EFHC2: variants seen among roughly 807,000 people sequenced by gnomAD.
EFHC2 encodes the protein EF-hand domain containing 2, also known as EF-hand domain-containing family member C2.
Under a neutral mutation model 52.7 loss-of-function variants are expected in EFHC2, and 18 were observed. That is an observed-to-expected ratio of 0.34 (90% confidence interval 0.24 to 0.51). The LOEUF (loss-of-function observed/expected upper bound fraction) is 0.51. Ranked by LOEUF, EFHC2 falls within the 20% of genes least tolerant of loss-of-function variation. EFHC2 has a pLI of 0.97. For missense variants in EFHC2, 513 were observed against 562.5 expected, an observed-to-expected ratio of 0.91 and a Z score of 0.89; for synonymous variants, 203 against 204.1, an observed-to-expected ratio of 0.99 and a Z score of 0.04.
chrX:44,265,955 C>G (rs1408891110), intron 3 of EFHC2, among the ~76,000 whole-genome samples: 1 of 111,851 alleles, frequency 8.9e-6, no homozygotes, highest in African/African-American at 3.3e-5. Flanking sequence ...CAATAAGAAA[C>G]AGTAACCCTA....
intron 8 of EFHC2, among the ~76,000 whole-genome samples, chrX:44,236,209 C>T (rs945536907): frequency 2.7e-5 from 3 of 111,768 alleles, no homozygotes; most frequent in Non-Finnish European, 5.6e-5. Flanking sequence ...GAATTCTATG[C>T]ATAAATAGAA....
At chrX:44,307,749 C>T (rs980963061) in intron 2 of EFHC2, among the ~76,000 whole-genome samples, 34 of 110,774 alleles carry the variant, frequency 3.1e-4, no homozygotes, top group African/African-American at 1.1e-3. Context: ...GCCTGACCAA[C>T]ATGGTGAAAC....
chrX:44,316,083 G>A (rs1040417788), intron 1 of EFHC2, among the ~76,000 whole-genome samples: 1 of 111,381 alleles, frequency 9.0e-6, no homozygotes, highest in African/African-American at 3.3e-5. Flanking sequence ...ATGGATCTAG[G>A]TTTCCATAAT....
At chrX:44,152,255 A>T (rs2036575709) in intron 14 of EFHC2, among the ~76,000 whole-genome samples, 1 of 111,689 alleles carries the variant, frequency 9.0e-6, no homozygotes, top group African/African-American at 3.3e-5. Context: ...TATTATGATG[A>T]TAATCTATTT....
At chrX:44,208,781 T>C (rs1286848611) in intron 11 of EFHC2, among the ~76,000 whole-genome samples, 1 of 111,860 alleles carries the variant, frequency 8.9e-6, no homozygotes, top group Non-Finnish European at 1.9e-5. Context: ...ATAGGACAAA[T>C]CTGAAGAAAA....
intron 2 of EFHC2, among the ~76,000 whole-genome samples, chrX:44,278,282 G>A (rs2037675832): frequency 1.8e-5 from 2 of 112,108 alleles, no homozygotes; most frequent in African/African-American, 3.2e-5. Context: ...GGCTGAGGCA[G>A]GAGAATCACT....
chrX:44,218,024 T>C (rs1254526325), intron 11 of EFHC2, among the ~76,000 whole-genome samples: 1 of 111,225 alleles, frequency 9.0e-6, no homozygotes, highest in East Asian at 2.8e-4. Context: ...CAAGGGGAAA[T>C]GACATAGCCC....
intron 11 of EFHC2, among the ~76,000 whole-genome samples, chrX:44,206,880 C>T (rs1375000481): frequency 9.0e-6 from 1 of 110,913 alleles, no homozygotes; most frequent in African/African-American, 3.3e-5. Flanking sequence ...CATATGGAAC[C>T]AAAAAAGAGC....
intron 8 of EFHC2, among the ~76,000 whole-genome samples, chrX:44,238,672 G>C (rs1044392080): frequency 2.7e-5 from 3 of 110,934 alleles, no homozygotes; most frequent in African/African-American, 9.9e-5. Flanking sequence ...CCTTTACACC[G>C]ACTGTTCCTT....
At chrX:44,322,670 G>C (rs931246587) in intron 1 of EFHC2, among the ~76,000 whole-genome samples, 2 of 111,908 alleles carry the variant, frequency 1.8e-5, no homozygotes, top group Non-Finnish European at 3.8e-5. Context: ...ACAGTGGTTA[G>C]GACTAAGTGA....
chrX:44,319,298 G>A lies in EFHC2; in HGVS notation c.43-6542C>T, dbSNP rs145649916. Among the ~76,000 whole-genome samples, 166 of 110,945 alleles carry A rather than the reference G, an allele frequency of 1.5e-3. No homozygotes were observed. The East Asian group carries it at 0.021, about 14-fold the overall frequency. ...GATTATAGGTATAAGCCACTGCGCC[G>A]GGCACAAAAGACTTTTAAAGAGGCC... On this transcript the variant is annotated intron_variant, in intron 1 of 14. Coordinates refer to ENST00000420999, the MANE Select transcript of EFHC2 (RefSeq NM_025184.4).
intron 3 of EFHC2, among the ~76,000 whole-genome samples, chrX:44,272,157 T>C (rs2037622273): frequency 8.9e-6 from 1 of 111,845 alleles, no homozygotes; most frequent in Non-Finnish European, 1.9e-5. Flanking sequence ...GAGAGGAGTA[T>C]GGACAAAGAT....
At chrX:44,233,031 A>G (rs904563552) in intron 9 of EFHC2, among the ~76,000 whole-genome samples, 1 of 111,414 alleles carries the variant, frequency 9.0e-6, no homozygotes, top group African/African-American at 3.3e-5. Flanking sequence ...AAAAACAGAG[A>G]AAAAATGGTG....
intron 2 of EFHC2, among the ~76,000 whole-genome samples, chrX:44,279,886 G>GA (rs1382280377): frequency 6.4e-5 from 7 of 109,801 alleles, no homozygotes; most frequent in Admixed American, 9.7e-5. Flanking sequence ...GACGTACCAT[G>GA]AAAAAAAAGT....
At chrX:44,162,535 A>C (rs1030662300) in intron 14 of EFHC2, among the ~76,000 whole-genome samples, 1 of 110,896 alleles carries the variant, frequency 9.0e-6, no homozygotes, top group Admixed American at 9.5e-5. Context: ...GACAATATTC[A>C]AATGTCACCC....
rs2036537502 is a variant in EFHC2 at position 44,148,226 on chromosome X, CGTGCGTGTGTGT to C, written c.*557_*568del. On this transcript the variant is annotated 3_prime_UTR_variant, in exon 15 of 15. Transcript: ENST00000420999. ...TGCATATGTTTCCAGTGTGTGTGCA[CGTGCGTGTGTGT>C]GTGTGTGTGTGTGTGTGTTGGAGGT... 2.1e-5 allele frequency: 2 copies of C among 94,877 alleles called. No individual in the cohort carries two copies. Among genetic ancestry groups the C allele is most frequent in the East Asian group, 7.2e-4 (2 of 2,782 alleles). 7.8% of individuals were successfully genotyped at this position (94,877 alleles called of 1,213,427 possible).
At chrX:44,233,842 C>G (rs2037297823) in intron 9 of EFHC2, among the ~76,000 whole-genome samples, 2 of 111,697 alleles carry the variant, frequency 1.8e-5, no homozygotes, top group South Asian at 7.6e-4. Context: ...TTCCCACAGG[C>G]TGCTGCCAAC....
intron 14 of EFHC2, among the ~76,000 whole-genome samples, chrX:44,152,968 A>G (rs1388210833): frequency 8.9e-6 from 1 of 112,103 alleles, no homozygotes; most frequent in East Asian, 2.8e-4. Flanking sequence ...AGTTTTCAAC[A>G]CAGAAATAAT....
intron 11 of EFHC2, among the ~76,000 whole-genome samples, chrX:44,183,551 A>G (rs149318469): frequency 4.0e-4 from 45 of 112,295 alleles, no homozygotes; most frequent in Admixed American, 1.7e-3. Flanking sequence ...GGCAAAATAC[A>G]TCACAGAGAG....
Sources: gnomAD v4.1 joint callset for allele counts (sites outside exome capture counted in the v4.1 genomes callset) on GRCh38, gnomAD v4.1.1 for gene constraint, MANE v1.5 for transcripts, NCBI Gene and HGNC (gene_info 2026-07-23, HGNC 2026-07-21) for gene names.